Variants in PTPN3 observed in about 807,000 individuals in gnomAD.
PTPN3 encodes the protein tyrosine-protein phosphatase non-receptor type 3.
In PTPN3, 96 loss-of-function variants were observed where a neutral mutation model predicts 132.7. The observed-to-expected ratio is 0.72, with a 90% confidence interval of 0.61 to 0.86. The LOEUF is 0.86. Ranked by LOEUF, PTPN3 falls within the 40% of genes least tolerant of loss-of-function variation. PTPN3 has a pLI of 0.00. For synonymous variants in PTPN3, 398 were observed against 429.0 expected (o/e 0.93, Z 0.89); for missense variants, 1,125 against 1,159.6 (o/e 0.97, Z 0.43).
At chr9:109,508,147 G>T in the PTPN3 span, among the ~76,000 whole-genome samples, 1 of 148,162 alleles carries the variant, frequency 6.7e-6, no homozygotes, top group Admixed American at 6.9e-5. Context: ...GAGAGTATTT[G>T]ATCTGTTTCT....
intron 5 of PTPN3, chr9:109,449,211 C>CA: frequency 1.9e-6 from 2 of 1,067,084 alleles, no homozygotes; most frequent in Non-Finnish European, 2.3e-6. Flanking sequence ...CCAGAACCCA[C>CA]AGGGGCTCTG....
At position 109,377,777 on chromosome 9, in the gene PTPN3, A is replaced by G. The variant is rs976487841; in HGVS notation, c.*1779T>C. 3.3e-5 allele frequency: 5 copies of G among 152,350 alleles called. No individual in the cohort carries two copies. The highest frequency in any genetic ancestry group is 3.4e-3 in the Middle Eastern group (1 of 294). 9.4% of individuals were successfully genotyped at this position (152,350 alleles called of 1,614,324 possible). ...CTTATTCAATCCTCATGTTCCAACT[A>G]AAGTCCTAAGTATTGTTTCTATTTT... On this transcript the variant is annotated 3_prime_UTR_variant, in exon 26 of 26. Transcript: ENST00000374541.
intron 20 of PTPN3, 75 bp downstream of exon 20, chr9:109,391,396 C>T (rs1840077260): frequency 4.7e-6 from 7 of 1,474,948 alleles, no homozygotes; most frequent in Non-Finnish European, 6.6e-6. Flanking sequence ...TTCCAGAATA[C>T]CAGACAATCT....
At chr9:109,520,825 A>G in the PTPN3 span, among the ~76,000 whole-genome samples, 1 of 152,198 alleles carries the variant, frequency 6.6e-6, no homozygotes, top group African/African-American at 2.4e-5. Flanking sequence ...CAAAGACTCG[A>G]AAGTCCTGTT....
intron 14 of PTPN3, among the ~76,000 whole-genome samples, chr9:109,414,253 G>A (rs1315652568): frequency 6.6e-6 from 1 of 152,264 alleles, no homozygotes; most frequent in Non-Finnish European, 1.5e-5. Context: ...TGCAAGATCA[G>A]AGCTTCTGAG....
chr9:109,411,080 T>C (rs1270125570), intron 14 of PTPN3, among the ~76,000 whole-genome samples: 2 of 152,236 alleles, frequency 1.3e-5, no homozygotes, highest in Non-Finnish European at 2.9e-5. Flanking sequence ...AAACCAGCCA[T>C]ACTTCACATG....
chr9:109,389,791 C>G (rs1224966821), intron 21 of PTPN3, among the ~76,000 whole-genome samples: 3 of 152,196 alleles, frequency 2.0e-5, no homozygotes, highest in African/African-American at 7.2e-5. Flanking sequence ...AAAGCATAAA[C>G]CTTACAGGTT....
chr9:109,444,789 G>A (rs556699872), intron 7 of PTPN3, among the ~76,000 whole-genome samples: 15 of 152,128 alleles, frequency 9.9e-5, no homozygotes, highest in Admixed American at 1.3e-4. Flanking sequence ...TCCCAGTAGT[G>A]TTTTAGAGTA....
intron 14 of PTPN3, 25 bp from the exon 15 acceptor site, chr9:109,410,440 A>AT: frequency 6.2e-7 from 1 of 1,608,532 alleles, no homozygotes; most frequent in Non-Finnish European, 8.5e-7. Context: ...AGGAGGAGAT[A>AT]TTAATAACTG....
In PTPN3 at chr9:109,422,706, A is replaced by C. The variant is rs1233273148; in HGVS notation, c.1136+12T>G. 1 of 1,573,318 alleles carries C rather than the reference A, an allele frequency of 6.4e-7. No homozygotes were observed. The highest frequency in any genetic ancestry group is 8.6e-7 in the Non-Finnish European group (1 of 1,163,560). On this transcript the variant is annotated intron_variant, in intron 13 of 25. Transcript: ENST00000374541. ...GTTGGGTAGTACAAAAAAAAAAAAA[A>C]GGAGGACATACCAGTTGGGAGTAAT...
chr9:109,505,456 C>T, the PTPN3 span, among the ~76,000 whole-genome samples: 3 of 151,782 alleles, frequency 2.0e-5, no homozygotes, highest in Non-Finnish European at 2.9e-5. Flanking sequence ...TTGTTTGTGT[C>T]TTTGTTTAGA....
intron 7 of PTPN3, among the ~76,000 whole-genome samples, chr9:109,440,946 G>A (rs996888689): frequency 2.0e-5 from 3 of 152,164 alleles, no homozygotes; most frequent in African/African-American, 7.2e-5. Context: ...GCAAAACACT[G>A]GGCGGTTTCA....
At chr9:109,452,230 T>C (rs1304353800) in intron 5 of PTPN3, among the ~76,000 whole-genome samples, 1 of 130,318 alleles carries the variant, frequency 7.7e-6, no homozygotes, top group East Asian at 2.4e-4. Context: ...AGCGCGCCAC[T>C]GCACTCCAGC....
rs1003787838 is a variant in PTPN3, at chr9:109,383,500, C to A, written c.2305G>T (p.Gly769Cys). Residue 769 changes from glycine (G) to cysteine (C), a missense_variant, in exon 23 of 26, where the codon GGC (glycine) becomes TGC (cysteine). Transcript: ENST00000374541. ...PDPPDVMNHG[G>C]FHIQCQSEDC... Reference sequence around the variant, plus strand: ...TCTGACTGACACTGGATGTGAAAGCCGCCGTGGTTCATGACGTCGGGGGGA... The same window carrying A: ...TCTGACTGACACTGGATGTGAAAGCAGCCGTGGTTCATGACGTCGGGGGGA... 5.0e-6 allele frequency: 8 copies of A among 1,614,018 alleles called. No homozygotes were observed. Among genetic ancestry groups the A allele is most frequent in the Non-Finnish European group, 6.8e-6 (8 of 1,180,012 alleles).
chr9:109,534,401 G>T, the PTPN3 span: 1 of 1,441,940 alleles, frequency 6.9e-7, no homozygotes, highest in Non-Finnish European at 9.1e-7. Context: ...ATGGTAGCTA[G>T]GCCAGCGGTG....
At chr9:109,533,479 G>T in the PTPN3 span, 10 of 1,585,656 alleles carry the variant, frequency 6.3e-6, no homozygotes, top group African/African-American at 1.2e-4. Context: ...GCGTCGGTAA[G>T]TTGCGGCGGT....
At position 109,397,998 on chromosome 9, in the gene PTPN3, G is replaced by A. The variant is rs116800382; in HGVS notation, c.1954-6437C>T. ...TTAAAAATGCAATCTTTTGGGCCGG[G>A]CATGGTGGCTGATGCCTGTAATCCC... On this transcript the variant is annotated intron_variant, in intron 19 of 25. Coordinates refer to ENST00000374541, the MANE Select transcript of PTPN3 (RefSeq NM_002829.4). Among the ~76,000 whole-genome samples the A allele has an allele frequency of 4.1e-3, 626 of 152,328 alleles. 6 individuals carry two copies. The highest frequency in any genetic ancestry group is 0.014 in the African/African-American group (592 of 41,568).
chr9:109,426,837 A>G, intron 12 of PTPN3, 113 bp downstream of exon 12: 1 of 1,181,918 alleles, frequency 8.5e-7, no homozygotes. Flanking sequence ...CAATGCCTGG[A>G]GCCCCTGGGC....
At chr9:109,406,696 C>T (rs2131733892) in intron 17 of PTPN3, 78 bp from the exon 18 acceptor site, 2 of 1,555,898 alleles carry the variant, frequency 1.3e-6, no homozygotes, top group East Asian at 4.5e-5. Flanking sequence ...TCGCTCTGCT[C>T]CCAGACACCT....
Sources: gnomAD v4.1 joint callset for allele counts (sites outside exome capture counted in the v4.1 genomes callset) on GRCh38, gnomAD v4.1.1 for gene constraint, MANE v1.5 for transcripts, NCBI Gene and HGNC (gene_info 2026-07-23, HGNC 2026-07-21) for gene names.